DPP8: variants seen among roughly 807,000 people sequenced by gnomAD.
The protein encoded by DPP8 is dipeptidyl peptidase 8.
In DPP8, 31 loss-of-function variants were observed where a neutral mutation model predicts 107.5. That is an observed-to-expected ratio of 0.29 (90% CI 0.22 to 0.39). The LOEUF is 0.39. Ranked by LOEUF, DPP8 falls within the 10% of genes least tolerant of loss-of-function variation. The pLI, the probability that DPP8 is intolerant of heterozygous loss-of-function variation, is 1.00. For missense variants in DPP8, 842 were observed against 1,076.1 expected (o/e 0.78, Z 3.04); for synonymous variants, 381 against 356.6 (o/e 1.07, Z -0.77).
rs2069096354 is a variant in DPP8, at chr15:65,500,433, T to C, written c.546+173A>G. On this transcript the variant is annotated intron_variant, in intron 4 of 19. Transcript: ENST00000300141. ...AATTCTGTCTCAAAAAAAAAAAAAATCGCTCTTAAAATTGGAAACCAATCT... is the reference window on the plus strand; with the variant it reads ...AATTCTGTCTCAAAAAAAAAAAAAACCGCTCTTAAAATTGGAAACCAATCT... 4.6e-5 allele frequency among the ~76,000 whole-genome samples: 7 copies of C among 151,216 alleles called. No homozygotes were observed. In the South Asian group the frequency reaches 1.5e-3, roughly 32 times the overall value.
intron 7 of DPP8, among the ~76,000 whole-genome samples, chr15:65,485,544 C>CAAAAAAAAAAAAAAAAAAAAGAAA (rs2067332181): frequency 1.6e-5 from 1 of 61,282 alleles, no homozygotes; most frequent in Non-Finnish European, 3.4e-5. Flanking sequence ...GACTCCATCT[C>CAAAAAAAAAAAAAAAAAAAAGAAA]AAAAAAAAAA....
At chr15:65,454,820 C>A (rs548499711) in intron 16 of DPP8, among the ~76,000 whole-genome samples, 1 of 151,534 alleles carries the variant, frequency 6.6e-6, no homozygotes, top group Non-Finnish European at 1.5e-5. Context: ...CCACCACACC[C>A]GGCCCCGTAG....
intron 14 of DPP8, 34 bp from the exon 15 acceptor site, chr15:65,463,940 G>A: frequency 6.8e-7 from 1 of 1,467,674 alleles, no homozygotes; most frequent in Non-Finnish European, 9.0e-7. Flanking sequence ...GTCTACAAAA[G>A]AGTTCTTATG....
chr15:65,515,681 T>C, intron 1 of DPP8: 2 of 1,614,030 alleles, frequency 1.2e-6, no homozygotes, highest in South Asian at 2.2e-5. Context: ...TCTGCTCAGA[T>C]CTCTTCCACA....
intron 16 of DPP8, 25 bp downstream of exon 16, chr15:65,456,200 A>C (rs2064407106): frequency 6.3e-7 from 1 of 1,598,168 alleles, no homozygotes. Context: ...TGTCTGTAAA[A>C]GAAAAGTGTT....
At chr15:65,485,360 A>G (rs2067305502) in intron 7 of DPP8, among the ~76,000 whole-genome samples, 200 bp from the exon 8 acceptor site, 1 of 151,824 alleles carries the variant, frequency 6.6e-6, no homozygotes, top group South Asian at 2.1e-4. Context: ...CCTGGCCAAC[A>G]TGGTGAAACT....
At chr15:65,487,580 A>G in intron 7 of DPP8, 110 bp downstream of exon 7, 3 of 1,029,290 alleles carry the variant, frequency 2.9e-6, no homozygotes, top group Non-Finnish European at 2.9e-6. Flanking sequence ...CCCGTCGTAA[A>G]TAAGGCTGGA....
intron 12 of DPP8, among the ~76,000 whole-genome samples, chr15:65,473,975 A>G (rs2140615442): frequency 6.6e-6 from 1 of 152,106 alleles, no homozygotes; most frequent in Non-Finnish European, 1.5e-5. Flanking sequence ...GTGGTGGCAC[A>G]TGCCTGTAAT....
chr15:65,477,441 A>G (rs2066494943), intron 11 of DPP8, among the ~76,000 whole-genome samples: 1 of 152,126 alleles, frequency 6.6e-6, no homozygotes, highest in Non-Finnish European at 1.5e-5. Flanking sequence ...ATATATATAT[A>G]AAAACATACT....
intron 8 of DPP8, among the ~76,000 whole-genome samples, chr15:65,482,862 C>T (rs145313897): frequency 0.016 from 2,350 of 148,506 alleles, 64 homozygotes; most frequent in African/African-American, 0.055. Flanking sequence ...TTTGAGAGGC[C>T]GAGGCGGGCA....
chr15:65,494,700 TACTA>T (rs1429342107), intron 5 of DPP8, among the ~76,000 whole-genome samples: 6 of 149,648 alleles, frequency 4.0e-5, no homozygotes, highest in African/African-American at 1.2e-4. Flanking sequence ...AAAACAGATT[TACTA>T]ACTACCAACC....
At chr15:65,478,660 TTATTCAC>T (rs2066623941) in intron 11 of DPP8, among the ~76,000 whole-genome samples, 2 of 152,198 alleles carry the variant, frequency 1.3e-5, no homozygotes, top group Admixed American at 1.3e-4. Context: ...ATTTAAGAGA[TTATTCAC>T]TATTAATACT....
intron 8 of DPP8, among the ~76,000 whole-genome samples, chr15:65,483,172 A>T (rs572800635): frequency 1.4e-4 from 21 of 152,156 alleles, no homozygotes; most frequent in East Asian, 3.9e-4. Context: ...GGACAAGAAG[A>T]AGTATTGGTG....
intron 3 of DPP8, among the ~76,000 whole-genome samples, chr15:65,502,563 G>A (rs987967627): frequency 1.3e-5 from 2 of 151,748 alleles, no homozygotes; most frequent in Admixed American, 6.6e-5. Context: ...CTGTAGTCCC[G>A]GCTACTCAGA....
chr15:65,472,806 G>C (rs1243238029), intron 12 of DPP8, among the ~76,000 whole-genome samples: 9 of 152,086 alleles, frequency 5.9e-5, no homozygotes, highest in African/African-American at 2.2e-4. Context: ...TCAGGAGGCC[G>C]AGACAGGTGG....
chr15:65,499,544 A>G (rs529163626), intron 4 of DPP8, among the ~76,000 whole-genome samples: 1 of 151,840 alleles, frequency 6.6e-6, no homozygotes, highest in Admixed American at 6.6e-5. Context: ...TCTATACAGC[A>G]AGTATTTTTA....
At chr15:65,501,330 T>C (rs1360341977) in intron 3 of DPP8, among the ~76,000 whole-genome samples, 1 of 152,124 alleles carries the variant, frequency 6.6e-6, no homozygotes, top group African/African-American at 2.4e-5. Flanking sequence ...ACTGTATACA[T>C]TAGAGAACAA....
intron 15 of DPP8, chr15:65,459,530 A>C (rs2064733975): frequency 6.6e-6 from 1 of 152,222 alleles, no homozygotes; most frequent in African/African-American, 2.4e-5. Context: ...GAAAGAAATC[A>C]ATAAATCATC....
chr15:65,456,249 A>G lies in DPP8; in HGVS notation c.2094T>C (p.Phe698=), dbSNP rs1328422939. Residue 698 remains phenylalanine (F), a synonymous_variant, in exon 16 of 20, where the codon TTT becomes TTC. Transcript: ENST00000300141. ...NRGSCHRGLK[F]EGAFKYKMGQ... is the part of the protein sequence containing the mutation. The stretch of plus-strand genomic sequence containing the variant: ...CCATTTTATATTTAAAGGCGCCTTC[A>G]AATTTAAGCCCTCGGTGACAGGATC... 6.2e-7 allele frequency: 1 copy of G among 1,611,522 alleles called. No homozygotes were observed. The highest frequency in any genetic ancestry group is 8.5e-7 in the Non-Finnish European group (1 of 1,179,478).
Sources: gnomAD v4.1 joint callset for allele counts (sites outside exome capture counted in the v4.1 genomes callset) on GRCh38, gnomAD v4.1.1 for gene constraint, MANE v1.5 for transcripts, NCBI Gene and HGNC (gene_info 2026-07-23, HGNC 2026-07-21) for gene names.